OSBPL3: variants seen among roughly 807,000 people sequenced by gnomAD.
OSBPL3 encodes the protein oxysterol-binding protein-related protein 3.
OSBPL3 carries 65 observed loss-of-function variants against 120.1 expected under a neutral mutation model. The ratio of observed to expected loss-of-function variants is 0.54; its 90% CI spans 0.44 to 0.67. The LOEUF (loss-of-function observed/expected upper bound fraction) is 0.67. Among genes scored for constraint, OSBPL3 ranks in the 30% least tolerant of loss-of-function variants. The probability of loss-of-function intolerance (pLI) is 0.00; values close to 1 mark genes in which losing one functional copy is unlikely to be tolerated. For synonymous variants in OSBPL3, 416 were observed against 402.6 expected (o/e 1.03, Z -0.40); for missense variants, 1,004 against 1,082.1 (o/e 0.93, Z 1.01).
In OSBPL3 at chr7:24,896,256, C is replaced by A. The variant is rs768272802; in HGVS notation, c.-149-3635G>T. ...CTTTCCTTCCTCTAAATCACAGAGG[C>A]CACCAAAACCAACACGTGTCAAACA... On this transcript the variant is annotated intron_variant, in intron 1 of 22. Transcript: ENST00000313367. The surrounding 1 kb of genome is among the most constrained non-coding windows in gnomAD (Gnocchi z 4.4). Among the ~76,000 whole-genome samples, 1 of 152,218 alleles carries A rather than the reference C, an allele frequency of 6.6e-6. No homozygotes were observed. Among genetic ancestry groups the A allele is most frequent in the Non-Finnish European group, 1.5e-5 (1 of 68,042 alleles).
chr7:24,934,230 A>T (rs1457151452), intron 1 of OSBPL3, among the ~76,000 whole-genome samples: 1 of 152,234 alleles, frequency 6.6e-6, no homozygotes, highest in Non-Finnish European at 1.5e-5. Context: ...GATCTTATTG[A>T]CAAGTGTAAG....
chr7:24,820,336 A>G lies in OSBPL3; in HGVS notation c.1885-98T>C, dbSNP rs1794970573. The G allele has an allele frequency of 3.4e-6, 3 of 871,064 alleles. No homozygotes were observed. Among genetic ancestry groups the G allele is most frequent in the Non-Finnish European group, 5.6e-6 (3 of 536,508 alleles). 54.0% of individuals were successfully genotyped at this position (871,064 alleles called of 1,614,324 possible). A position where few individuals can be genotyped will look rare whatever the true frequency, so the allele number is the denominator to read the frequency against. ...CCTGCACTGAGATGTAACAGCGTGC[A>G]ATGCTGAACTGAAGGAAAAACTTCT... On this transcript the variant is annotated intron_variant, in intron 16 of 22. Transcript: ENST00000313367. The surrounding 1 kb of genome is among the most constrained non-coding windows in gnomAD (Gnocchi z 4.6).
At position 24,834,091 on chromosome 7, in the gene OSBPL3, G is replaced by A. The variant is rs1373090736; in HGVS notation, c.1746+395C>T. The A allele has an allele frequency of 8.1e-6, 8 of 993,646 alleles. No homozygotes were observed. The highest frequency in any genetic ancestry group is 1.2e-4 in the Admixed American group (2 of 16,440). 61.6% of individuals were successfully genotyped at this position (993,646 alleles called of 1,614,324 possible). On this transcript the variant is annotated intron_variant, in intron 15 of 22. Transcript: ENST00000313367. The surrounding 1 kb of genome is among the most constrained non-coding windows in gnomAD (Gnocchi z 5.2). ...ACATTCTCAGGGGAAACTTACCCTG[G>A]ATGAGAAAAACAGCTCGAGAAATTA...
At chr7:24,828,601 T>G (rs1795971864) in intron 16 of OSBPL3, among the ~76,000 whole-genome samples, 1 of 90,508 alleles carries the variant, frequency 1.1e-5, no homozygotes, top group African/African-American at 3.8e-5. Flanking sequence ...AGTGAGACTC[T>G]GTCTGAAAAA....
chr7:24,868,337 AAGT>A (rs746239286), intron 5 of OSBPL3, among the ~76,000 whole-genome samples: 67 of 93,276 alleles, frequency 7.2e-4, no homozygotes, highest in Admixed American at 1.6e-3. Context: ...AAAAAAAAAA[AAGT>A]GTGTGTGTGT....
intron 1 of OSBPL3, among the ~76,000 whole-genome samples, chr7:24,904,418 TACA>T (rs1301998008): frequency 6.6e-6 from 1 of 152,146 alleles, no homozygotes; most frequent in African/African-American, 2.4e-5. Context: ...GCAATAACAA[TACA>T]ACAATGAAAA....
chr7:24,863,336 C>A lies in OSBPL3; in HGVS notation c.778-44G>T. ...AAGAGAGCACAGACAGTAAAGTCCA[C>A]CAAACCGACAAGGATAAATGCATAG... On this transcript the variant is annotated intron_variant, in intron 8 of 22. Coordinates refer to ENST00000313367, the MANE Select transcript of OSBPL3 (RefSeq NM_015550.4). The surrounding 1 kb of genome is among the most constrained non-coding windows in gnomAD (Gnocchi z 5.8). 1 of 1,551,722 alleles carries A rather than the reference C, an allele frequency of 6.4e-7. No homozygotes were observed. The highest frequency in any genetic ancestry group is 1.4e-5 in the African/African-American group (1 of 73,764).
chr7:24,806,743 C>T lies in OSBPL3; in HGVS notation c.2444+33G>A. ...AGACTTTTTGTAAAGGGTTTTACAT[C>T]TCTGGAGAGAAAAATCTTTAAAAAA... On this transcript the variant is annotated intron_variant, in intron 21 of 22. Transcript: ENST00000313367. This position sits in a 1 kb window ranked among gnomAD's most constrained non-coding sequence, Gnocchi z 5.2. 6.2e-7 allele frequency: 1 copy of T among 1,608,740 alleles called. No individual in the cohort carries two copies. The highest frequency in any genetic ancestry group is 2.2e-5 in the East Asian group (1 of 44,794).
rs1584280210 is a variant in OSBPL3 at position 24,830,673 on chromosome 7, A to C, written c.1884+95T>G. 4 of 1,195,760 alleles carry C rather than the reference A, an allele frequency of 3.3e-6. No individual in the cohort carries two copies. Among genetic ancestry groups the C allele is most frequent in the Non-Finnish European group, 4.7e-6 (4 of 847,752 alleles). The allele number at this position is 1,195,760 out of a possible 1,614,324, so 74.1% of individuals were successfully genotyped here. A position where few individuals can be genotyped will look rare whatever the true frequency, so the allele number is the denominator to read the frequency against. ...ACTGTAATTATCTCGGCTGCTTTGA[A>C]GCCAGTGAAAGGTGGAAGATAAATA... On this transcript the variant is annotated intron_variant, in intron 16 of 22. Coordinates refer to ENST00000313367, the MANE Select transcript of OSBPL3 (RefSeq NM_015550.4). This position sits in a 1 kb window ranked among gnomAD's most constrained non-coding sequence, Gnocchi z 4.4.
rs1368399757 is a variant in OSBPL3, at chr7:24,806,563, G to C, written c.2444+213C>G. Among the ~76,000 whole-genome samples the C allele has an allele frequency of 1.3e-5, 2 of 151,966 alleles. No homozygotes were observed. Among genetic ancestry groups the C allele is most frequent in the Non-Finnish European group, 2.9e-5 (2 of 67,990 alleles). ...CTTTTTTGGCATTTCAATGCAAATGGGGCTTTACAGATAATAAAGGCCATG... is the reference window on the plus strand; with the variant it reads ...CTTTTTTGGCATTTCAATGCAAATGCGGCTTTACAGATAATAAAGGCCATG... On this transcript the variant is annotated intron_variant, in intron 21 of 22. Transcript: ENST00000313367. The surrounding 1 kb of genome is among the most constrained non-coding windows in gnomAD (Gnocchi z 5.2).
chr7:24,928,837 T>C (rs952064389), intron 1 of OSBPL3, among the ~76,000 whole-genome samples: 2 of 152,230 alleles, frequency 1.3e-5, no homozygotes, highest in African/African-American at 4.8e-5. Context: ...TTGTTGCTAA[T>C]ATCAGTGGTC....
In OSBPL3 at chr7:24,796,858, A is replaced by G. The variant is rs1418313094; in HGVS notation, c.*3325T>C. The G allele has an allele frequency of 6.6e-6, 1 of 152,258 alleles. No individual in the cohort carries two copies. The highest frequency in any genetic ancestry group is 1.5e-5 in the Non-Finnish European group (1 of 68,044). The allele number at this position is 152,258 out of a possible 1,614,324, so 9.4% of individuals were successfully genotyped here. On this transcript the variant is annotated 3_prime_UTR_variant, in exon 23 of 23. Coordinates refer to ENST00000313367, the MANE Select transcript of OSBPL3 (RefSeq NM_015550.4). This position sits in a 1 kb window ranked among gnomAD's most constrained non-coding sequence, Gnocchi z 5.2. Reference sequence around the variant, plus strand: ...CCAACACAGAAAAATGAAGACTAACACTGAGTAACAGATTAGTACAATGCA... The same window carrying G: ...CCAACACAGAAAAATGAAGACTAACGCTGAGTAACAGATTAGTACAATGCA...
chr7:24,974,051 G>T (rs957355360), intron 1 of OSBPL3, among the ~76,000 whole-genome samples: 1 of 152,090 alleles, frequency 6.6e-6, no homozygotes, highest in Non-Finnish European at 1.5e-5. Context: ...AAAAATTGAG[G>T]TATTTTTACA....
rs978319267 is a variant in OSBPL3 at position 24,953,597 on chromosome 7, T to C, written c.-150+26289A>G. Among the ~76,000 whole-genome samples, 7 of 152,308 alleles carry C rather than the reference T, an allele frequency of 4.6e-5. No individual in the cohort carries two copies. The South Asian group carries it at 1.0e-3, about 23-fold the overall frequency. On this transcript the variant is annotated intron_variant, in intron 1 of 22. Transcript: ENST00000313367. The surrounding 1 kb of genome is among the most constrained non-coding windows in gnomAD (Gnocchi z 4.3). ...TAGGCACATTAGGAAGCAGTCAGATTGTATCAGTGATCAAACAGTTCAGAC... is the reference window on the plus strand; with the variant it reads ...TAGGCACATTAGGAAGCAGTCAGATCGTATCAGTGATCAAACAGTTCAGAC...
chr7:24,876,829 T>C (rs945973131), intron 2 of OSBPL3, among the ~76,000 whole-genome samples: 3 of 152,208 alleles, frequency 2.0e-5, no homozygotes, highest in Non-Finnish European at 2.9e-5. Flanking sequence ...AGGAACCTTT[T>C]CTGTCTTGTT....
At chr7:24,919,756 A>G (rs1332774753) in intron 1 of OSBPL3, among the ~76,000 whole-genome samples, 1 of 151,450 alleles carries the variant, frequency 6.6e-6, no homozygotes, top group Admixed American at 6.6e-5. Context: ...ATATTTGCCA[A>G]TCATCTGATA....
In OSBPL3 at chr7:24,862,135, C is replaced by T. The variant is rs1236666736; in HGVS notation, c.871-366G>A. 1.3e-5 allele frequency among the ~76,000 whole-genome samples: 2 copies of T among 152,172 alleles called. No individual in the cohort carries two copies. Among genetic ancestry groups the T allele is most frequent in the Non-Finnish European group, 2.9e-5 (2 of 68,028 alleles). ...TCTCCTGACCTTGTGTTCTGCCCGC[C>T]TCAGCCTTCCAAAGTGCTGGGATTA... On this transcript the variant is annotated intron_variant, in intron 9 of 22. Coordinates refer to ENST00000313367, the MANE Select transcript of OSBPL3 (RefSeq NM_015550.4). This position sits in a 1 kb window ranked among gnomAD's most constrained non-coding sequence, Gnocchi z 4.4.
rs70942897 is a variant in OSBPL3 at position 24,916,921 on chromosome 7, C to CCG, written c.-149-24301_-149-24300insCG. On this transcript the variant is annotated intron_variant, in intron 1 of 22. Transcript: ENST00000313367. The surrounding 1 kb of genome is among the most constrained non-coding windows in gnomAD (Gnocchi z 4.9). ...CACTAAGACGTCTTCCATTTCCACC[C>CCG]CCCCCAACCTTTTTAGAAAATTAAA... Among the ~76,000 whole-genome samples the CCG allele has an allele frequency of 0.088, 13,138 of 149,554 alleles. 796 individuals carry two copies. Among genetic ancestry groups the CCG allele is most frequent in the East Asian group, 0.28 (1,432 of 5,122 alleles).
At chr7:24,880,526 C>T (rs1208675289) in intron 2 of OSBPL3, among the ~76,000 whole-genome samples, 1 of 152,196 alleles carries the variant, frequency 6.6e-6, no homozygotes, top group Non-Finnish European at 1.5e-5. Context: ...GCTCTGTCCA[C>T]CCAAGTGACT....
Sources: gnomAD v4.1 joint callset for allele counts (sites outside exome capture counted in the v4.1 genomes callset) on GRCh38, gnomAD v4.1.1 for gene constraint, Gnocchi (gnomAD v3.1) non-coding constraint, MANE v1.5 for transcripts, NCBI Gene and HGNC (gene_info 2026-07-23, HGNC 2026-07-21) for gene names.